ENG: variants seen among roughly 807,000 people sequenced by gnomAD.
ENG encodes endoglin.
Under a neutral mutation model 71.0 loss-of-function variants are expected in ENG, and 17 were observed. The ratio of observed to expected loss-of-function variants is 0.24; its 90% CI spans 0.16 to 0.36. The LOEUF (loss-of-function observed/expected upper bound fraction) is 0.36. Among genes scored for constraint, ENG ranks in the 10% least tolerant of loss-of-function variants. The probability of loss-of-function intolerance (pLI) is 1.00; values close to 1 mark genes in which losing one functional copy is unlikely to be tolerated. For synonymous variants in ENG, 360 were observed against 366.9 expected, an observed-to-expected ratio of 0.98 and a Z score of 0.21; for missense variants, 749 against 868.3, an observed-to-expected ratio of 0.86 and a Z score of 1.73.
At chr9:127,843,732 C>CACACATATAT (rs1554812389) in intron 1 of ENG, among the ~76,000 whole-genome samples, 17 of 12,756 alleles carry the variant, frequency 1.3e-3, no homozygotes, top group African/African-American at 4.1e-3. Flanking sequence ...CACACATCCA[C>CACACATATAT]ATACATATAT....
chr9:127,816,172 T>C, intron 13 of ENG, 119 bp from the exon 14 acceptor site: 1 of 1,267,914 alleles, frequency 7.9e-7, no homozygotes. Context: ...CCTCGACTTC[T>C]CTGAACCTCA....
Position 127,820,138 on chromosome 9 carries a change from A to G in ENG, c.1135-101T>C, listed in dbSNP as rs186514943. The G allele has an allele frequency of 1.0e-4, 151 of 1,476,566 alleles. 1 individual carries two copies. In the East Asian group the frequency reaches 3.3e-3, roughly 32 times the overall value. 91.5% of individuals were successfully genotyped at this position (1,476,566 alleles called of 1,614,324 possible). The stretch of plus-strand genomic sequence containing the variant: ...GACCACAACCCAGGGGTCCCAAGTC[A>G]CAGCCATTCCCCTGCCCTGCTCCCT... On this transcript the variant is annotated intron_variant, in intron 8 of 14. Coordinates refer to ENST00000373203, the MANE Select transcript of ENG (RefSeq NM_001114753.3).
chr9:127,847,639 G>A (rs1370259876), intron 1 of ENG, among the ~76,000 whole-genome samples: 6 of 152,086 alleles, frequency 3.9e-5, no homozygotes, highest in Admixed American at 2.6e-4. Flanking sequence ...TTGTAGAGAC[G>A]GGGTTTCGCC....
intron 2 of ENG, chr9:127,832,674 A>G (rs1442688865): frequency 6.6e-6 from 1 of 152,592 alleles, no homozygotes; most frequent in African/African-American, 2.4e-5. Context: ...TGGAGAAGGA[A>G]CAAAGCAATC....
rs1267400562 is a variant in ENG, at chr9:127,815,536, C to CT, written c.*145dup. 2.8e-6 allele frequency: 4 copies of CT among 1,427,428 alleles called. No individual in the cohort carries two copies. The highest frequency in any genetic ancestry group is 3.7e-6 in the Non-Finnish European group (4 of 1,086,032). The allele number at this position is 1,427,428 out of a possible 1,614,324, so 88.4% of individuals were successfully genotyped here. On this transcript the variant is annotated 3_prime_UTR_variant, in exon 15 of 15. Coordinates refer to ENST00000373203, the MANE Select transcript of ENG (RefSeq NM_001114753.3). ...CAGTGGCTGCACTGGCAGCAGGCCT[C>CT]TGAGAGGGAGGCGGGAAGGGTAGGC...
intron 13 of ENG, 151 bp from the exon 14 acceptor site, chr9:127,816,204 G>T: frequency 1.0e-6 from 1 of 968,226 alleles, no homozygotes; most frequent in Non-Finnish European, 1.6e-6. Flanking sequence ...CAGCAAACGG[G>T]CTCATCACAG....
intron 2 of ENG, chr9:127,832,719 A>G (rs968078040): frequency 1.3e-5 from 2 of 152,090 alleles, no homozygotes; most frequent in Non-Finnish European, 2.9e-5. Flanking sequence ...TGTAAACACA[A>G]TTGTTTTTTT....
At position 127,825,812 on chromosome 9, in the gene ENG, C is replaced by T. The variant is rs41322046; in HGVS notation, c.572G>A (p.Gly191Asp). 22,210 of 1,597,400 alleles carry T rather than the reference C, an allele frequency of 0.014. 180 individuals carry two copies. Among genetic ancestry groups the T allele is most frequent in the Non-Finnish European group, 0.017 (20,171 of 1,172,772 alleles). Residue 191 changes from glycine (G) to aspartate (D), a missense_variant, in exon 5 of 15, where the codon GGC becomes GAC. Physicochemically the swap from Gly to Asp is moderately conservative, Grantham distance 94. Transcript: ENST00000373203. The stretch of plus-strand genomic sequence containing the variant: ...ACGCGGCCGCCACTCGAGCGTGCGG[C>T]CCATGTCCTGGCTGGCTTCCAGCAT... Reference protein sequence around the residue: ...FCMLEASQDMGRTLEWRPRTP... With the variant: ...FCMLEASQDMDRTLEWRPRTP...
intron 8 of ENG, among the ~76,000 whole-genome samples, chr9:127,822,067 A>G (rs897050730): frequency 2.6e-5 from 4 of 152,042 alleles, no homozygotes; most frequent in African/African-American, 9.7e-5. Flanking sequence ...AAAAGAAAAG[A>G]AAAGAAAAAC....
chr9:127,843,847 C>T (rs1471735476), intron 1 of ENG, among the ~76,000 whole-genome samples: 2 of 139,724 alleles, frequency 1.4e-5, no homozygotes, highest in South Asian at 2.3e-4. Flanking sequence ...TCTTGGCTCA[C>T]CGCAACCTCC....
At chr9:127,854,116 T>C (rs1216228299) in intron 1 of ENG, among the ~76,000 whole-genome samples, 173 bp downstream of exon 1, 1 of 152,200 alleles carries the variant, frequency 6.6e-6, no homozygotes, top group African/African-American at 2.4e-5. Flanking sequence ...ACACTGAAAG[T>C]CCTGCATAAC....
Position 127,829,538 on chromosome 9 carries a change from C to T in ENG, c.360+149G>A, listed in dbSNP as rs1040168695. 23 of 1,120,986 alleles carry T rather than the reference C, an allele frequency of 2.1e-5. 1 individual carries two copies. Among genetic ancestry groups the T allele is most frequent in the South Asian group, 5.8e-5 (4 of 68,470 alleles). 69.4% of individuals were successfully genotyped at this position (1,120,986 alleles called of 1,614,324 possible). A position where few individuals can be genotyped will look rare whatever the true frequency, so the allele number is the denominator to read the frequency against. ...TCTCTCTGGTAGAGACCATTGGCTT[C>T]ACCAGGCAGGACCCTGGTGAATAAT... On this transcript the variant is annotated intron_variant, in intron 3 of 14. Transcript: ENST00000373203.
intron 1 of ENG, among the ~76,000 whole-genome samples, chr9:127,853,362 C>A (rs1015086676): frequency 1.3e-5 from 2 of 152,180 alleles, no homozygotes; most frequent in South Asian, 2.1e-4. Flanking sequence ...TGTCAGGAAG[C>A]CCCTGGATGC....
At chr9:127,830,010 A>G (rs1451841935) in intron 2 of ENG, among the ~76,000 whole-genome samples, 183 bp from the exon 3 acceptor site, 1 of 152,028 alleles carries the variant, frequency 6.6e-6, no homozygotes, top group Non-Finnish European at 1.5e-5. Flanking sequence ...ATTCACAATA[A>G]ACAAATGAAG....
chr9:127,838,985 G>A lies in ENG; in HGVS notation c.219+4109C>T, dbSNP rs540578874. ...CAGAGATCGAAGAAGCCGGCCATAGGTCAGGAGGGATCCGGCTGGCTGCTA... is the reference window on the plus strand; with the variant it reads ...CAGAGATCGAAGAAGCCGGCCATAGATCAGGAGGGATCCGGCTGGCTGCTA... On this transcript the variant is annotated intron_variant, in intron 2 of 14. Coordinates refer to ENST00000373203, the MANE Select transcript of ENG (RefSeq NM_001114753.3). The surrounding 1 kb of genome is among the most constrained non-coding windows in gnomAD (Gnocchi z 4.3). Among the ~76,000 whole-genome samples the A allele has an allele frequency of 2.0e-5, 3 of 152,294 alleles. No individual in the cohort carries two copies. The South Asian group carries it at 6.2e-4, about 32-fold the overall frequency.
In ENG at chr9:127,818,250, A is replaced by T; in HGVS notation, c.1556T>A (p.Leu519Gln). The stretch of plus-strand genomic sequence containing the variant: ...GTCACCCTCGGGGCTTGGGGACAGC[A>T]GGCTCACACAGTTGCCCTTGGCCGC... The part of the protein sequence containing the change: ...GRAAKGNCVS[L>Q]LSPSPEGDPR... Residue 519 changes from leucine to glutamine, a missense_variant, in exon 12 of 15, where the codon CTG (leucine) becomes CAG (glutamine). Physicochemically the swap from Leu to Gln is moderately radical, Grantham distance 113 (BLOSUM62 -2). Transcript: ENST00000373203. 1 of 1,614,182 alleles carries T rather than the reference A, an allele frequency of 6.2e-7. No homozygotes were observed.
intron 2 of ENG, among the ~76,000 whole-genome samples, chr9:127,840,133 G>C (rs1336236243): frequency 6.6e-6 from 1 of 152,236 alleles, no homozygotes; most frequent in East Asian, 1.9e-4. Flanking sequence ...TTTCCCGTGG[G>C]AAAATCAAAG....
intron 1 of ENG, among the ~76,000 whole-genome samples, chr9:127,847,862 A>T (rs1831206986): frequency 6.6e-6 from 1 of 152,136 alleles, no homozygotes; most frequent in Non-Finnish European, 1.5e-5. Context: ...AGCCACCAGG[A>T]GGTCTCAGCA....
rs184761763 is a variant in ENG at position 127,836,024 on chromosome 9, G to A, written c.220-6197C>T. 6.6e-6 allele frequency among the ~76,000 whole-genome samples: 1 copy of A among 152,292 alleles called. No homozygotes were observed. The highest frequency in any genetic ancestry group is 1.9e-4 in the East Asian group (1 of 5,172). The stretch of plus-strand genomic sequence containing the variant: ...GTGCTCAGGTTCTCTGAGCTGCAGG[G>A]CCAAGCTGAAAAACAGCTGGTTACC... On this transcript the variant is annotated intron_variant, in intron 2 of 14. Coordinates refer to ENST00000373203, the MANE Select transcript of ENG (RefSeq NM_001114753.3). The surrounding 1 kb of genome is among the most constrained non-coding windows in gnomAD (Gnocchi z 4.0).
Sources: allele counts gnomAD v4.1 joint callset (sites outside exome capture counted in the v4.1 genomes callset), GRCh38; gene constraint gnomAD v4.1.1; non-coding constraint Gnocchi (gnomAD v3.1); transcripts MANE v1.5; gene names NCBI Gene and HGNC (gene_info 2026-07-23, HGNC 2026-07-21).